TMC1: variants seen among roughly 807,000 people sequenced by gnomAD.
TMC1 encodes the protein transmembrane channel like 1.
In TMC1, 84 loss-of-function variants were observed where a neutral mutation model predicts 105.8. The observed-to-expected ratio is 0.79, with a 90% CI of 0.67 to 0.95. The LOEUF is 0.95. Ranked by LOEUF, TMC1 falls within the 40% of genes least tolerant of loss-of-function variation. The pLI, the probability that TMC1 is intolerant of heterozygous loss-of-function variation, is 0.00. For missense variants in TMC1, 817 were observed against 914.1 expected, an observed-to-expected ratio of 0.89 and a Z score of 1.37; for synonymous variants, 315 against 311.5, an observed-to-expected ratio of 1.01 and a Z score of -0.12.
chr9:72,673,113 C>T (rs1826148928), intron 5 of TMC1, among the ~76,000 whole-genome samples: 1 of 152,040 alleles, frequency 6.6e-6, no homozygotes, highest in South Asian at 2.1e-4. Context: ...TTCTAAATGA[C>T]CCAGGGTCAA....
intron 4 of TMC1, among the ~76,000 whole-genome samples, chr9:72,635,423 G>A (rs1160658568): frequency 3.3e-5 from 5 of 151,974 alleles, no homozygotes; most frequent in African/African-American, 1.2e-4. Flanking sequence ...TTATCATTAG[G>A]GACTTCCCAA....
chr9:72,797,302 T>G (rs1428383083), intron 17 of TMC1, among the ~76,000 whole-genome samples: 1 of 152,170 alleles, frequency 6.6e-6, no homozygotes, highest in Non-Finnish European at 1.5e-5. Context: ...CCAAAGTAAT[T>G]TATAGATTCA....
chr9:72,648,289 T>C (rs1336993529), intron 4 of TMC1, among the ~76,000 whole-genome samples: 1 of 152,172 alleles, frequency 6.6e-6, no homozygotes, highest in Non-Finnish European at 1.5e-5. Context: ...AACCATAGAA[T>C]GGAAGGCATT....
At chr9:72,597,326 G>T (rs377366528) in intron 2 of TMC1, among the ~76,000 whole-genome samples, 5 of 152,132 alleles carry the variant, frequency 3.3e-5, no homozygotes, top group African/African-American at 1.2e-4. Flanking sequence ...CAGGGACTGC[G>T]CTCCTCATGA....
At chr9:72,635,110 A>C (rs1051983618) in intron 4 of TMC1, among the ~76,000 whole-genome samples, 2 of 152,120 alleles carry the variant, frequency 1.3e-5, no homozygotes, top group East Asian at 3.9e-4. Context: ...GAGATTAGCC[A>C]GGTGTGGTGG....
chr9:72,697,585 T>A (rs1402818543), intron 7 of TMC1, among the ~76,000 whole-genome samples: 1 of 152,150 alleles, frequency 6.6e-6, no homozygotes, highest in Non-Finnish European at 1.5e-5. Context: ...ATTAGAATTG[T>A]TTCTATTAAA....
Position 72,762,997 on chromosome 9 carries a change from C to T in TMC1, c.741+8113C>T, listed in dbSNP as rs77747148. Among the ~76,000 whole-genome samples, 514 of 151,446 alleles carry T rather than the reference C, an allele frequency of 3.4e-3. 3 individuals carry two copies. The highest frequency in any genetic ancestry group is 0.011 in the African/African-American group (473 of 41,244). On this transcript the variant is annotated intron_variant, in intron 12 of 23. Transcript: ENST00000297784. ...TTTATGACACAGCTCTAGCTTGTGA[C>T]GAGAGAGATTCCTGGGTCTGCTTTT...
chr9:72,831,632 C>T (rs899099146), intron 23 of TMC1, among the ~76,000 whole-genome samples: 3 of 152,114 alleles, frequency 2.0e-5, no homozygotes, highest in Non-Finnish European at 4.4e-5. Context: ...GTTCCCCTTC[C>T]TGTGTCCAAG....
chr9:72,767,367 G>A (rs1302226761), intron 12 of TMC1, among the ~76,000 whole-genome samples: 1 of 152,098 alleles, frequency 6.6e-6, no homozygotes, highest in Non-Finnish European at 1.5e-5. Context: ...ATCTTTCATG[G>A]TGAACATTTC....
chr9:72,737,528 G>A (rs1248107191), intron 8 of TMC1, among the ~76,000 whole-genome samples: 1 of 152,148 alleles, frequency 6.6e-6, no homozygotes, highest in Admixed American at 6.5e-5. Flanking sequence ...AGTCAGGTTT[G>A]CTTTCCTCTG....
chr9:72,714,743 T>G (rs894272775), intron 8 of TMC1, among the ~76,000 whole-genome samples: 1 of 152,250 alleles, frequency 6.6e-6, no homozygotes. Context: ...TGTCTTTTAA[T>G]TGGGGCATTT....
chr9:72,795,555 T>C (rs972424409), intron 17 of TMC1, among the ~76,000 whole-genome samples: 3 of 152,154 alleles, frequency 2.0e-5, no homozygotes, highest in Non-Finnish European at 4.4e-5. Flanking sequence ...CTAAGCTTCC[T>C]AAGCAAAGGA....
chr9:72,639,859 T>C (rs192964874), intron 4 of TMC1, among the ~76,000 whole-genome samples: 2 of 152,210 alleles, frequency 1.3e-5, no homozygotes, highest in African/African-American at 2.4e-5. Context: ...CATAGCTTTT[T>C]TCGTTGTTCA....
chr9:72,548,291 G>T (rs895672347), intron 1 of TMC1, among the ~76,000 whole-genome samples: 17 of 152,268 alleles, frequency 1.1e-4, no homozygotes, highest in Admixed American at 2.6e-4. Flanking sequence ...AGTCTATAGG[G>T]CTGGGCACAG....
intron 1 of TMC1, among the ~76,000 whole-genome samples, chr9:72,525,423 C>T (rs1406067884): frequency 1.3e-5 from 2 of 152,208 alleles, no homozygotes. Context: ...AGTACTGAGT[C>T]AGATGCCTTA....
chr9:72,806,509 C>T (rs868507079), intron 18 of TMC1, among the ~76,000 whole-genome samples: 1,463 of 145,110 alleles, frequency 0.01, 13 homozygotes, highest in Non-Finnish European at 0.016. Flanking sequence ...TCAGACGGGG[C>T]GGCTGCCGGG....
chr9:72,672,716 A>C (rs1026727011), intron 5 of TMC1, among the ~76,000 whole-genome samples: 1 of 151,976 alleles, frequency 6.6e-6, no homozygotes, highest in African/African-American at 2.4e-5. Context: ...AAATATTATC[A>C]ATCACCTTGA....
At chr9:72,764,805 C>A (rs1173959613) in intron 12 of TMC1, among the ~76,000 whole-genome samples, 2 of 152,098 alleles carry the variant, frequency 1.3e-5, no homozygotes, top group African/African-American at 4.8e-5. Flanking sequence ...GTTGGGAATA[C>A]AAAGACAACT....
chr9:72,699,133 C>G (rs961175790), intron 7 of TMC1, among the ~76,000 whole-genome samples: 1 of 152,088 alleles, frequency 6.6e-6, no homozygotes, highest in African/African-American at 2.4e-5. Flanking sequence ...AATCTATTAC[C>G]AAAAAGCTGA....
Sources: gnomAD v4.1 joint callset for allele counts (sites outside exome capture counted in the v4.1 genomes callset) on GRCh38, gnomAD v4.1.1 for gene constraint, MANE v1.5 for transcripts, NCBI Gene and HGNC (gene_info 2026-07-23, HGNC 2026-07-21) for gene names.